KIF6: variants seen among roughly 807,000 people sequenced by gnomAD.
The protein encoded by KIF6 is kinesin-like protein KIF6.
In KIF6, 106 loss-of-function variants were observed where a neutral mutation model predicts 112.7. That is an observed-to-expected ratio of 0.94 (90% CI 0.80 to 1.11). KIF6 has a LOEUF of 1.11. Ranked by LOEUF, KIF6 falls within the 50% of genes least tolerant of loss-of-function variation. The pLI is 0.00. For missense variants in KIF6, 929 were observed against 964.0 expected, an observed-to-expected ratio of 0.96 and a Z score of 0.48; for synonymous variants, 339 against 339.9, an observed-to-expected ratio of 1.00 and a Z score of 0.03.
chr6:39,606,507 T>G (rs1782898440), intron 6 of KIF6, among the ~76,000 whole-genome samples: 1 of 152,164 alleles, frequency 6.6e-6, no homozygotes. Context: ...AAGAGTAGCC[T>G]AGAGGATAGG....
chr6:39,548,911 G>A (rs773028877), intron 10 of KIF6, among the ~76,000 whole-genome samples: 1 of 152,048 alleles, frequency 6.6e-6, no homozygotes, highest in Non-Finnish European at 1.5e-5. Context: ...AAAGAAGGAA[G>A]AAAAAAGAAT....
chr6:39,498,838 G>A (rs992217002), intron 13 of KIF6, among the ~76,000 whole-genome samples: 2 of 152,204 alleles, frequency 1.3e-5, no homozygotes, highest in South Asian at 2.1e-4. Context: ...TTTGACTAGC[G>A]TACTTACTGA....
intron 3 of KIF6, among the ~76,000 whole-genome samples, chr6:39,671,838 G>A (rs1169366858): frequency 2.0e-5 from 3 of 152,164 alleles, no homozygotes; most frequent in African/African-American, 7.2e-5. Flanking sequence ...GAGCTTGCAC[G>A]TTCTCCCCAT....
intron 22 of KIF6, among the ~76,000 whole-genome samples, chr6:39,338,276 G>A (rs2113882385): frequency 6.6e-6 from 1 of 152,330 alleles, no homozygotes; most frequent in Non-Finnish European, 1.5e-5. Flanking sequence ...CCTGGTACTG[G>A]GTGACGAGTG....
chr6:39,718,723 G>A (rs1285791143), intron 2 of KIF6: 1 of 146,118 alleles, frequency 6.8e-6, no homozygotes, highest in Non-Finnish European at 1.5e-5. Flanking sequence ...GTGACAGAGT[G>A]AGAACCTGTC....
At chr6:39,502,277 A>C (rs996786698) in intron 13 of KIF6, among the ~76,000 whole-genome samples, 1 of 152,172 alleles carries the variant, frequency 6.6e-6, no homozygotes, top group African/African-American at 2.4e-5. Context: ...CTTTTTAGAC[A>C]AGCAAATGCT....
chr6:39,596,693 G>C (rs551557182), intron 6 of KIF6, among the ~76,000 whole-genome samples: 26 of 152,196 alleles, frequency 1.7e-4, no homozygotes, highest in African/African-American at 6.0e-4. Flanking sequence ...TACCATCACT[G>C]TTACTACTCA....
In KIF6 at chr6:39,545,564, G is replaced by A; in HGVS notation, c.1287+19C>T. ...ACATGGCTGAAAATGGCTTCTATTG[G>A]GGAAACATTTAAGTTTACCTTTAAA... On this transcript the variant is annotated intron_variant, in intron 11 of 22. Coordinates refer to ENST00000287152, the MANE Select transcript of KIF6 (RefSeq NM_145027.6). 6.3e-7 allele frequency: 1 copy of A among 1,577,870 alleles called. No homozygotes were observed. The highest frequency in any genetic ancestry group is 8.7e-7 in the Non-Finnish European group (1 of 1,149,634).
intron 15 of KIF6, among the ~76,000 whole-genome samples, chr6:39,400,735 T>C (rs1768638080): frequency 6.6e-6 from 1 of 152,214 alleles, no homozygotes; most frequent in South Asian, 2.1e-4. Context: ...TGGAAACAGA[T>C]CTGACCCCTT....
chr6:39,351,800 A>G (rs1764263849), intron 19 of KIF6, among the ~76,000 whole-genome samples: 2 of 152,176 alleles, frequency 1.3e-5, no homozygotes, highest in Admixed American at 1.3e-4. Flanking sequence ...CTGAAAGGAG[A>G]GCTTATTCTC....
At position 39,330,226 on chromosome 6, in the gene KIF6, C is replaced by T. The variant is rs770198682; in HGVS notation, c.*6306G>A. 1.3e-5 allele frequency: 2 copies of T among 152,204 alleles called. No homozygotes were observed. The highest frequency in any genetic ancestry group is 2.4e-5 in the African/African-American group (1 of 41,426). The allele number at this position is 152,204 out of a possible 1,614,324, so 9.4% of individuals were successfully genotyped here. On this transcript the variant is annotated 3_prime_UTR_variant, in exon 23 of 23. Transcript: ENST00000287152. ...AGCTTCATAGGCATAAGTCCTAGAG[C>T]ACCTTGGGACATCTGGTCAACCCTA... is the stretch of plus-strand genomic sequence containing the variant.
At chr6:39,421,707 C>T (rs940278645) in intron 14 of KIF6, among the ~76,000 whole-genome samples, 2 of 152,196 alleles carry the variant, frequency 1.3e-5, no homozygotes, top group African/African-American at 4.8e-5. Context: ...TGGGACTCCG[C>T]CCCTGGCTCC....
At chr6:39,433,728 G>A (rs528679087) in intron 13 of KIF6, among the ~76,000 whole-genome samples, 1 of 152,334 alleles carries the variant, frequency 6.6e-6, no homozygotes, top group Admixed American at 6.5e-5. Flanking sequence ...AAAGAGGCAA[G>A]GCAAGGCCAG....
intron 13 of KIF6, among the ~76,000 whole-genome samples, chr6:39,537,480 AATAAAATACC>A (rs1778509826): frequency 6.6e-6 from 1 of 151,960 alleles, no homozygotes; most frequent in Non-Finnish European, 1.5e-5. Flanking sequence ...CTTCAAAGAG[AATAAAATACC>A]TAGGAATCCA....
rs1762845570 is a variant in KIF6 at position 39,334,615 on chromosome 6, AAAAT to A, written c.*1913_*1916del. 1.3e-5 allele frequency: 2 copies of A among 152,246 alleles called. No homozygotes were observed. Among genetic ancestry groups the A allele is most frequent in the African/African-American group, 4.8e-5 (2 of 41,442 alleles). The allele number at this position is 152,246 out of a possible 1,614,324, so 9.4% of individuals were successfully genotyped here. A position where few individuals can be genotyped will look rare whatever the true frequency, so the allele number is the denominator to read the frequency against. ...CTGACAGAGACCCCCCCCATCTCAA[AAAAT>A]AAATAAAAGAAAGTAAAAATAAAAG... On this transcript the variant is annotated 3_prime_UTR_variant, in exon 23 of 23. Coordinates refer to ENST00000287152, the MANE Select transcript of KIF6 (RefSeq NM_145027.6).
chr6:39,538,169 T>G (rs528049338), intron 13 of KIF6, among the ~76,000 whole-genome samples: 2 of 151,692 alleles, frequency 1.3e-5, no homozygotes, highest in African/African-American at 4.8e-5. Flanking sequence ...AAGGACTTCA[T>G]GTCTAAAACA....
chr6:39,545,356 C>T (rs190698866), intron 11 of KIF6, among the ~76,000 whole-genome samples: 11 of 152,230 alleles, frequency 7.2e-5, no homozygotes, highest in Middle Eastern at 3.4e-3. Flanking sequence ...GGTAGAGATT[C>T]CTGACAAAAG....
chr6:39,523,762 T>C (rs1295816260), intron 13 of KIF6, among the ~76,000 whole-genome samples: 1 of 148,338 alleles, frequency 6.7e-6, no homozygotes, highest in Non-Finnish European at 1.5e-5. Flanking sequence ...TAAACCTATC[T>C]GGGAATAGTT....
At chr6:39,504,288 A>C (rs905286468) in intron 13 of KIF6, among the ~76,000 whole-genome samples, 1 of 152,178 alleles carries the variant, frequency 6.6e-6, no homozygotes, top group Non-Finnish European at 1.5e-5. Context: ...CAGAAAAAAC[A>C]TTCAATAAAA....
Sources: allele counts gnomAD v4.1 joint callset (sites outside exome capture counted in the v4.1 genomes callset), GRCh38; gene constraint gnomAD v4.1.1; transcripts MANE v1.5; gene names NCBI Gene and HGNC (gene_info 2026-07-23, HGNC 2026-07-21).